HS6ST3: variants seen among roughly 807,000 people sequenced by gnomAD.
HS6ST3 encodes the protein heparan-sulfate 6-O-sulfotransferase 3.
HS6ST3 carries 12 observed loss-of-function variants against 36.7 expected under a neutral mutation model. The ratio of observed to expected loss-of-function variants is 0.33; its 90% CI spans 0.21 to 0.53. The LOEUF (loss-of-function observed/expected upper bound fraction) is 0.53, where lower values mean the gene tolerates loss of function less well. Among genes scored for constraint, HS6ST3 ranks in the 20% least tolerant of loss-of-function variants. The pLI is 0.95. For synonymous variants in HS6ST3, 240 were observed against 257.5 expected, an observed-to-expected ratio of 0.93 and a Z score of 0.65; for missense variants, 584 against 640.9, an observed-to-expected ratio of 0.91 and a Z score of 0.96.
chr13:96,760,603 G>A (rs1176571672), intron 1 of HS6ST3, among the ~76,000 whole-genome samples: 1 of 152,116 alleles, frequency 6.6e-6, no homozygotes, highest in Non-Finnish European at 1.5e-5. Context: ...TTTATTCACT[G>A]TAGTACCAAG....
At chr13:96,486,840 A>G (rs1368542744) in intron 1 of HS6ST3, among the ~76,000 whole-genome samples, 2 of 152,154 alleles carry the variant, frequency 1.3e-5, no homozygotes, top group African/African-American at 4.8e-5. Context: ...GATACCCTCA[A>G]CTGAGAAGGC....
chr13:96,504,457 C>G (rs1382044347), intron 1 of HS6ST3, among the ~76,000 whole-genome samples: 2 of 152,066 alleles, frequency 1.3e-5, no homozygotes, highest in African/African-American at 4.8e-5. Context: ...ATGAATGTTA[C>G]TGGTGGGGTT....
chr13:96,727,617 C>T (rs1333191602), intron 1 of HS6ST3, among the ~76,000 whole-genome samples: 3 of 152,104 alleles, frequency 2.0e-5, no homozygotes, highest in Admixed American at 1.3e-4. Flanking sequence ...AATATAAAAA[C>T]TCTCAGGAAG....
chr13:96,747,906 G>A (rs541888905), intron 1 of HS6ST3, among the ~76,000 whole-genome samples: 50 of 152,090 alleles, frequency 3.3e-4, no homozygotes, highest in African/African-American at 1.2e-3. Context: ...TAGCTATTAG[G>A]AAGATATATT....
intron 1 of HS6ST3, among the ~76,000 whole-genome samples, chr13:96,722,558 G>A (rs925801107): frequency 6.6e-6 from 1 of 152,196 alleles, no homozygotes; most frequent in Non-Finnish European, 1.5e-5. Flanking sequence ...TTTGGATCCA[G>A]ACAGATCTAG....
At chr13:96,126,148 A>G (rs557861709) in intron 1 of HS6ST3, among the ~76,000 whole-genome samples, 3 of 152,244 alleles carry the variant, frequency 2.0e-5, no homozygotes, top group Non-Finnish European at 4.4e-5. Context: ...CTGACCTCAT[A>G]TAGACCATTA....
At position 96,707,793 on chromosome 13, in the gene HS6ST3, G is replaced by A. The variant is rs1045246090; in HGVS notation, c.708-124697G>A. On this transcript the variant is annotated intron_variant, in intron 1 of 1. Coordinates refer to ENST00000376705, the MANE Select transcript of HS6ST3 (RefSeq NM_153456.4). The stretch of plus-strand genomic sequence containing the variant: ...TAGAAAGAATGGAAGATGAATCTGG[G>A]ATTAGTTTATTTCACTCTCCTATTC... Among the ~76,000 whole-genome samples the A allele has an allele frequency of 8.5e-5, 13 of 152,196 alleles. 1 individual carries two copies. The highest frequency in any genetic ancestry group is 2.0e-4 in the Admixed American group (3 of 15,284).
At chr13:96,537,764 A>T (rs1177298811) in intron 1 of HS6ST3, among the ~76,000 whole-genome samples, 1 of 152,270 alleles carries the variant, frequency 6.6e-6, no homozygotes, top group African/African-American at 2.4e-5. Flanking sequence ...CAATGACACT[A>T]ATCAGTGAAC....
At chr13:96,669,972 A>C (rs1436851484) in intron 1 of HS6ST3, among the ~76,000 whole-genome samples, 1 of 152,132 alleles carries the variant, frequency 6.6e-6, no homozygotes, top group Non-Finnish European at 1.5e-5. Flanking sequence ...TTTGAGGACC[A>C]CCAGTTTTTA....
chr13:96,433,956 CTT>C (rs2055629040), intron 1 of HS6ST3, among the ~76,000 whole-genome samples: 1 of 144,396 alleles, frequency 6.9e-6, no homozygotes, highest in African/African-American at 2.7e-5. Context: ...AAAAACAAAA[CTT>C]CTTTTCTTTA....
At chr13:96,536,288 T>C (rs192048824) in intron 1 of HS6ST3, among the ~76,000 whole-genome samples, 1 of 152,348 alleles carries the variant, frequency 6.6e-6, no homozygotes, top group Admixed American at 6.5e-5. Flanking sequence ...AATCACATAT[T>C]TCCAAAGGCA....
intron 1 of HS6ST3, among the ~76,000 whole-genome samples, chr13:96,771,370 T>C (rs558305638): frequency 1.4e-3 from 207 of 152,002 alleles, no homozygotes; most frequent in Non-Finnish European, 2.2e-3. Flanking sequence ...TGTATACATA[T>C]GTAACAAACC....
chr13:96,649,535 T>G (rs2056600347), intron 1 of HS6ST3, among the ~76,000 whole-genome samples: 1 of 152,048 alleles, frequency 6.6e-6, no homozygotes, highest in African/African-American at 2.4e-5. Context: ...TGAATTTTCC[T>G]TGACTCTTCT....
At chr13:96,445,415 T>C (rs2055693275) in intron 1 of HS6ST3, among the ~76,000 whole-genome samples, 1 of 152,088 alleles carries the variant, frequency 6.6e-6, no homozygotes, top group East Asian at 1.9e-4. Context: ...TTATAGATAA[T>C]GAATATATTG....
At chr13:96,341,769 T>G (rs975457395) in intron 1 of HS6ST3, among the ~76,000 whole-genome samples, 4 of 152,186 alleles carry the variant, frequency 2.6e-5, no homozygotes, top group Non-Finnish European at 4.4e-5. Flanking sequence ...AAAATTCTTA[T>G]GGACTGTTTA....
chr13:96,429,195 AC>A (rs1427074673), intron 1 of HS6ST3, among the ~76,000 whole-genome samples: 1 of 152,240 alleles, frequency 6.6e-6, no homozygotes, highest in Non-Finnish European at 1.5e-5. Context: ...CTTTACAAGA[AC>A]AGCTTTTAAT....
intron 1 of HS6ST3, among the ~76,000 whole-genome samples, chr13:96,156,834 C>T (rs1464963626): frequency 6.6e-6 from 1 of 152,152 alleles, no homozygotes; most frequent in African/African-American, 2.4e-5. Flanking sequence ...ATTAAGAGCT[C>T]ATAGCACAGT....
At chr13:96,636,939 G>T (rs2056551955) in intron 1 of HS6ST3, among the ~76,000 whole-genome samples, 1 of 151,594 alleles carries the variant, frequency 6.6e-6, no homozygotes. Context: ...GTACACCTGA[G>T]GATTCCTTTT....
chr13:96,260,277 TCCTCCCTC>T (rs1262850122), intron 1 of HS6ST3, among the ~76,000 whole-genome samples: 1 of 143,590 alleles, frequency 7.0e-6, no homozygotes, highest in African/African-American at 2.5e-5. Flanking sequence ...CTTTCTTCTT[TCCTCCCTC>T]CCTCCCTCCC....
Sources: allele counts gnomAD v4.1 joint callset (sites outside exome capture counted in the v4.1 genomes callset), GRCh38; gene constraint gnomAD v4.1.1; transcripts MANE v1.5; gene names NCBI Gene and HGNC (gene_info 2026-07-23, HGNC 2026-07-21).